The following NHS variants were observed in gnomAD, a reference collection of about 807,000 sequenced individuals.
NHS encodes actin remodeling regulator NHS.
Under a neutral mutation model 72.5 loss-of-function variants are expected in NHS, and 5 were observed. The observed-to-expected ratio is 0.07, with a 90% CI of 0.04 to 0.14. The LOEUF is 0.14. Among genes scored for constraint, NHS ranks in the 10% least tolerant of loss-of-function variants. The pLI is 1.00. For missense variants in NHS, 1,072 were observed against 1,355.7 expected (o/e 0.79, Z 3.29); for synonymous variants, 464 against 547.7 (o/e 0.85, Z 2.13).
intron 1 of NHS, among the ~76,000 whole-genome samples, chrX:17,503,628 C>A (rs2065044938): frequency 2.7e-5 from 3 of 111,783 alleles, no homozygotes; most frequent in African/African-American, 9.8e-5. Flanking sequence ...GCACTGTTTT[C>A]TCTCTGTTGA....
intron 1 of NHS, among the ~76,000 whole-genome samples, chrX:17,667,774 G>C (rs900656285): frequency 9.1e-6 from 1 of 110,469 alleles, no homozygotes; most frequent in African/African-American, 3.3e-5. Context: ...CAGGAGAAAA[G>C]AAGCCTCTCA....
At chrX:17,602,306 G>A (rs2065654341) in intron 1 of NHS, among the ~76,000 whole-genome samples, 1 of 112,144 alleles carries the variant, frequency 8.9e-6, no homozygotes, top group Non-Finnish European at 1.9e-5. Flanking sequence ...AATCTTCCCA[G>A]GAAAGCATAC....
chrX:17,658,731 G>A (rs974655676), intron 1 of NHS, among the ~76,000 whole-genome samples: 3 of 112,156 alleles, frequency 2.7e-5, no homozygotes, highest in African/African-American at 9.7e-5. Flanking sequence ...GCTTAGAAGA[G>A]TAGATATGGG....
chrX:17,589,547 G>C (rs1260718323), intron 1 of NHS, among the ~76,000 whole-genome samples: 4 of 111,912 alleles, frequency 3.6e-5, no homozygotes, highest in African/African-American at 1.3e-4. Context: ...GTATGTATGT[G>C]TGTATGTGGG....
At position 17,538,857 on chromosome X, in the gene NHS, G is replaced by C. The variant is rs183486748; in HGVS notation, c.566-148885G>C. Among the ~76,000 whole-genome samples the C allele has an allele frequency of 4.9e-4, 55 of 112,052 alleles. No homozygotes were observed. The East Asian group carries it at 0.014, about 29-fold the overall frequency. ...TTCTCTTCTTCCTGGGAGCGCATTA[G>C]ATGTCCAGGTTGGATGTACAGTGAC... On this transcript the variant is annotated intron_variant, in intron 1 of 8. Transcript: ENST00000676302.
chrX:17,451,920 A>G (rs2064807073), intron 1 of NHS, among the ~76,000 whole-genome samples: 1 of 111,270 alleles, frequency 9.0e-6, no homozygotes. Flanking sequence ...AGATTACTAA[A>G]CCCGCATCCT....
At chrX:17,396,070 G>C (rs1175967644) in intron 1 of NHS, among the ~76,000 whole-genome samples, 1 of 111,777 alleles carries the variant, frequency 8.9e-6, no homozygotes, top group Non-Finnish European at 1.9e-5. Flanking sequence ...AAGTTAAAAT[G>C]ACTTGTTACC....
intron 1 of NHS, among the ~76,000 whole-genome samples, chrX:17,434,747 A>G (rs908601790): frequency 1.8e-5 from 2 of 111,698 alleles, no homozygotes; most frequent in South Asian, 7.5e-4. Context: ...CCGGCCTCAA[A>G]CAATTTTTTA....
At chrX:17,525,357 T>C (rs771683351) in intron 1 of NHS, among the ~76,000 whole-genome samples, 1 of 111,428 alleles carries the variant, frequency 9.0e-6, no homozygotes, top group African/African-American at 3.3e-5. Flanking sequence ...ATTAGAGAGA[T>C]TGTTTGAATT....
At position 17,727,206 on chromosome X, in the gene NHS, T is replaced by C; in HGVS notation, c.3100T>C (p.Ser1034Pro). The C allele has an allele frequency of 8.3e-7, 1 of 1,208,762 alleles. No homozygotes were observed. Among genetic ancestry groups the C allele is most frequent in the Non-Finnish European group, 1.1e-6 (1 of 894,350 alleles). ...GYSSQSETPT[S>P]SFPTAFFSGP... Reference sequence around the variant, plus strand: ...TTCAAGCCAGTCTGAAACGCCAACATCCTCTTTCCCTACAGCTTTCTTTTC... The same window carrying C: ...TTCAAGCCAGTCTGAAACGCCAACACCCTCTTTCCCTACAGCTTTCTTTTC... Residue 1034 changes from serine to proline, a missense_variant, in exon 7 of 9, where the codon TCC becomes CCC. By Grantham distance (74) the Ser-to-Pro change is moderately conservative (BLOSUM62 -1). Coordinates refer to ENST00000676302, the MANE Select transcript of NHS (RefSeq NM_001291867.2).
intron 1 of NHS, among the ~76,000 whole-genome samples, chrX:17,386,681 A>AG (rs1382310485): frequency 9.2e-6 from 1 of 108,737 alleles, no homozygotes; most frequent in Non-Finnish European, 1.9e-5. Context: ...AAAAAAAAAA[A>AG]AAAGAAAAAG....
At chrX:17,504,367 C>G (rs1352744310) in intron 1 of NHS, among the ~76,000 whole-genome samples, 1 of 112,020 alleles carries the variant, frequency 8.9e-6, no homozygotes, top group African/African-American at 3.2e-5. Context: ...AGATTCTCAG[C>G]TAACAAGATA....
intron 1 of NHS, among the ~76,000 whole-genome samples, chrX:17,442,254 G>T (rs778993308): frequency 2.8e-4 from 32 of 112,350 alleles, no homozygotes; most frequent in Non-Finnish European, 3.9e-4. Flanking sequence ...GTCCAGTGTG[G>T]GTTGATAGAA....
At chrX:17,507,103 G>T (rs1268797807) in intron 1 of NHS, among the ~76,000 whole-genome samples, 2 of 112,278 alleles carry the variant, frequency 1.8e-5, no homozygotes, top group African/African-American at 6.5e-5. Flanking sequence ...AATCCCATTG[G>T]CCAGTCTTAT....
intron 1 of NHS, among the ~76,000 whole-genome samples, chrX:17,548,969 C>T (rs937116665): frequency 1.9e-5 from 2 of 104,295 alleles, no homozygotes; most frequent in South Asian, 4.6e-4. Context: ...TTTTTAAGAA[C>T]GGGGTTGACA....
chrX:17,398,353 C>G lies in NHS; in HGVS notation c.565+22031C>G, dbSNP rs542592412. Among the ~76,000 whole-genome samples the G allele has an allele frequency of 7.4e-4, 83 of 112,221 alleles. 1 individual carries two copies. The South Asian group carries it at 0.031, about 42-fold the overall frequency. ...CAGTCCCCCATCTTTCCTTGTTTCT[C>G]TTGTTTAAAGATCGAGACTCAAAAA... On this transcript the variant is annotated intron_variant, in intron 1 of 8. Transcript: ENST00000676302.
At chrX:17,653,672 C>T (rs2065940678) in intron 1 of NHS, among the ~76,000 whole-genome samples, 1 of 111,418 alleles carries the variant, frequency 9.0e-6, no homozygotes, top group South Asian at 3.8e-4. Context: ...TTTCCTTGGG[C>T]TGTGTGATTA....
chrX:17,673,877 C>T (rs1356872289), intron 1 of NHS, among the ~76,000 whole-genome samples: 1 of 112,380 alleles, frequency 8.9e-6, no homozygotes, highest in African/African-American at 3.2e-5. Context: ...CCTTAACCCT[C>T]CTCCTACTTC....
chrX:17,393,981 C>T (rs968095357), intron 1 of NHS, among the ~76,000 whole-genome samples: 3 of 111,566 alleles, frequency 2.7e-5, no homozygotes, highest in Non-Finnish European at 5.7e-5. Flanking sequence ...AAATACTGGA[C>T]TCAATGAATA....
Sources: allele counts gnomAD v4.1 joint callset (sites outside exome capture counted in the v4.1 genomes callset), GRCh38; gene constraint gnomAD v4.1.1; transcripts MANE v1.5; gene names NCBI Gene and HGNC (gene_info 2026-07-23, HGNC 2026-07-21).